Variants in HELLS observed in about 807,000 individuals in gnomAD.
HELLS encodes the protein lymphoid-specific helicase.
In HELLS, 32 loss-of-function variants were observed where a neutral mutation model predicts 120.0. That is an observed-to-expected ratio of 0.27 (90% CI 0.20 to 0.36). The LOEUF (loss-of-function observed/expected upper bound fraction) is 0.36, where lower values mean the gene tolerates loss of function less well. Ranked by LOEUF, HELLS falls within the 10% of genes least tolerant of loss-of-function variation. HELLS has a pLI of 1.00. For missense variants in HELLS, 650 were observed against 993.4 expected (o/e 0.65, Z 4.65); for synonymous variants, 341 against 323.4 (o/e 1.05, Z -0.58).
chr10:94,577,202 G>C (rs932805812), intron 10 of HELLS: 3 of 296,606 alleles, frequency 1.0e-5, no homozygotes, highest in Non-Finnish European at 2.0e-5. Context: ...TAGCATTTTC[G>C]TTTCTATTTT....
In HELLS at chr10:94,571,161, A is replaced by G; in HGVS notation, c.436-227A>G. On this transcript the variant is annotated intron_variant, in intron 6 of 21. Transcript: ENST00000348459. Reference sequence around the variant, plus strand: ...AAAAGCTGGAAAATCACTGTATTTGATGAAATATCCCATTGTATAAGTGTT... The same window carrying G: ...AAAAGCTGGAAAATCACTGTATTTGGTGAAATATCCCATTGTATAAGTGTT... 8.6e-6 allele frequency: 3 copies of G among 348,934 alleles called. No individual in the cohort carries two copies. The East Asian group carries it at 1.9e-4, about 22-fold the overall frequency. The allele number at this position is 348,934 out of a possible 1,614,324, so 21.6% of individuals were successfully genotyped here. A position where few individuals can be genotyped will look rare whatever the true frequency, so the allele number is the denominator to read the frequency against.
At chr10:94,600,001 A>G (rs1026012720) in intron 21 of HELLS, among the ~76,000 whole-genome samples, 5 of 152,196 alleles carry the variant, frequency 3.3e-5, no homozygotes, top group African/African-American at 1.2e-4. Context: ...TTAAAATCCC[A>G]GAATGATGGC....
At chr10:94,550,760 G>A (rs936164191) in intron 2 of HELLS, among the ~76,000 whole-genome samples, 23 of 152,032 alleles carry the variant, frequency 1.5e-4, no homozygotes, top group African/African-American at 5.3e-4. Flanking sequence ...ATGGTGGCAC[G>A]CGCCTATAGT....
intron 4 of HELLS, 42 bp from the exon 5 acceptor site, chr10:94,562,649 A>G (rs1473294594): frequency 7.3e-7 from 1 of 1,375,478 alleles, no homozygotes; most frequent in African/African-American, 1.5e-5. Context: ...AATACTATGA[A>G]GGTCCTTAAT....
downstream of HELLS, among the ~76,000 whole-genome samples, chr10:94,604,714 A>T (rs1021066492): frequency 7.9e-5 from 12 of 152,116 alleles, no homozygotes; most frequent in African/African-American, 2.4e-4. Context: ...TACTTTTATT[A>T]TGGCTGTGTA....
intron 12 of HELLS, among the ~76,000 whole-genome samples, chr10:94,587,362 A>G (rs2134097080): frequency 6.6e-6 from 1 of 152,310 alleles, no homozygotes; most frequent in Non-Finnish European, 1.5e-5. Flanking sequence ...ATCATGGAGA[A>G]TGGGGTATCC....
downstream of HELLS, among the ~76,000 whole-genome samples, chr10:94,606,060 C>CT (rs1166949716): frequency 0.012 from 1,580 of 131,216 alleles, 30 homozygotes; most frequent in African/African-American, 0.041. Context: ...TGGTATGGGT[C>CT]TTTTTTTTTT....
At chr10:94,558,255 ATTC>A (rs1343028533) in intron 4 of HELLS, 60 bp downstream of exon 4, 4 of 1,495,554 alleles carry the variant, frequency 2.7e-6, no homozygotes, top group African/African-American at 2.9e-5. Flanking sequence ...ATACTTTTGT[ATTC>A]TTCTGACTTT....
chr10:94,583,218 A>G (rs531605843), intron 12 of HELLS, among the ~76,000 whole-genome samples, 159 bp downstream of exon 12: 5 of 152,238 alleles, frequency 3.3e-5, no homozygotes, highest in African/African-American at 9.6e-5. Context: ...CAGAGGTCAC[A>G]TGGTTTTATG....
At chr10:94,561,223 C>A (rs935031333) in intron 4 of HELLS, among the ~76,000 whole-genome samples, 2 of 151,984 alleles carry the variant, frequency 1.3e-5, no homozygotes, top group African/African-American at 4.8e-5. Context: ...CCCCCACACC[C>A]ACACCCATAC....
chr10:94,549,602 T>TA (rs34544294), intron 2 of HELLS, among the ~76,000 whole-genome samples: 2 of 152,032 alleles, frequency 1.3e-5, no homozygotes, highest in Non-Finnish European at 2.9e-5. Context: ...CACCCCCCAA[T>TA]AAAAAATCTG....
At position 94,594,842 on chromosome 10, in the gene HELLS, A is replaced by G; in HGVS notation, c.2236A>G (p.Ile746Val). The change falls in exon 19 of 22, where the codon ATC becomes GTC. Residue 746 changes from isoleucine to valine, a missense_variant. By Grantham distance (29) the Ile-to-Val change is conservative. Transcript: ENST00000348459. ...AAAKRKLEKL[I>V]IHKNHFKGGQ... is the part of the protein sequence containing the mutation. The stretch of plus-strand genomic sequence containing the variant: ...TGCTAAAAGGAAACTGGAAAAGTTG[A>G]TCATCCATAAAAGTAAATAACACTT... 2 of 1,611,348 alleles carry G rather than the reference A, an allele frequency of 1.2e-6. No homozygotes were observed. Among genetic ancestry groups the G allele is most frequent in the Non-Finnish European group, 1.7e-6 (2 of 1,177,984 alleles).
chr10:94,586,177 G>A (rs1222620774), intron 12 of HELLS, among the ~76,000 whole-genome samples: 5 of 151,672 alleles, frequency 3.3e-5, no homozygotes, highest in African/African-American at 9.7e-5. Flanking sequence ...CTGGAGTGCC[G>A]TGGTGCAATC....
intron 8 of HELLS, 27 bp from the exon 9 acceptor site, chr10:94,574,527 A>T: frequency 6.5e-7 from 1 of 1,541,692 alleles, no homozygotes; most frequent in Non-Finnish European, 8.9e-7. Context: ...ATCCAAGTTT[A>T]AATACAGTAT....
At chr10:94,609,219 C>T (rs2134145750) in intron 9 of HELLS, among the ~76,000 whole-genome samples, 1 of 152,046 alleles carries the variant, frequency 6.6e-6, no homozygotes, top group East Asian at 1.9e-4. Context: ...GATGAGGTTT[C>T]TCCATGTTGG....
chr10:94,589,678 G>A (rs1412788690), intron 13 of HELLS, among the ~76,000 whole-genome samples: 3 of 128,028 alleles, frequency 2.3e-5, no homozygotes, highest in African/African-American at 9.0e-5. Context: ...TTCTCCCCCC[G>A]ACTTTTTTTT....
At chr10:94,551,974 CG>C (rs1251654678) in intron 2 of HELLS, among the ~76,000 whole-genome samples, 5 of 152,030 alleles carry the variant, frequency 3.3e-5, no homozygotes, top group Admixed American at 1.3e-4. Flanking sequence ...CTCCTGACCT[CG>C]GGATCCGCCC....
chr10:94,580,160 TATAC>T (rs1214657686), intron 10 of HELLS, among the ~76,000 whole-genome samples: 4,817 of 64,356 alleles, frequency 0.075, 275 homozygotes, highest in African/African-American at 0.11. Flanking sequence ...TATATATATA[TATAC>T]ACACACACAC....
At position 94,601,275 on chromosome 10, in the gene HELLS, GACTAGCAA is replaced by G. The variant is rs568612000; in HGVS notation, c.2423-249_2423-242del. 7.7e-3 allele frequency among the ~76,000 whole-genome samples: 1,179 copies of G among 152,202 alleles called. 5 individuals carry two copies. Among genetic ancestry groups the G allele is most frequent in the Middle Eastern group, 0.014 (4 of 294 alleles). On this transcript the variant is annotated intron_variant, in intron 21 of 21. Transcript: ENST00000348459. The stretch of plus-strand genomic sequence containing the variant: ...CCTTAAATTCAGCAAAAGCGATTTT[GACTAGCAA>G]ACTGATGCTTTAGATTGTATGCTCC...
Sources: allele counts gnomAD v4.1 joint callset (sites outside exome capture counted in the v4.1 genomes callset), GRCh38; gene constraint gnomAD v4.1.1; transcripts MANE v1.5; gene names NCBI Gene and HGNC (gene_info 2026-07-23, HGNC 2026-07-21).